Variants in BTBD9 observed in about 807,000 individuals in gnomAD.
BTBD9 encodes the protein BTB domain containing 9.
Under a neutral mutation model 64.3 loss-of-function variants are expected in BTBD9, and 49 were observed. That is an observed-to-expected ratio of 0.76 (90% confidence interval 0.61 to 0.97). BTBD9 has a LOEUF of 0.97. Among genes scored for constraint, BTBD9 ranks in the 50% least tolerant of loss-of-function variants. The pLI is 0.00. For synonymous variants in BTBD9, 260 were observed against 274.7 expected, an observed-to-expected ratio of 0.95 and a Z score of 0.53; for missense variants, 598 against 762.1, an observed-to-expected ratio of 0.78 and a Z score of 2.53.
intron 6 of BTBD9, among the ~76,000 whole-genome samples, chr6:38,529,529 ACT>A (rs1773683759): frequency 6.6e-6 from 1 of 152,172 alleles, no homozygotes; most frequent in Non-Finnish European, 1.5e-5. Context: ...CAGTGTCCAG[ACT>A]CTGATGAACA....
intron 6 of BTBD9, among the ~76,000 whole-genome samples, chr6:38,380,549 G>C (rs973439033): frequency 6.6e-6 from 1 of 152,240 alleles, no homozygotes; most frequent in African/African-American, 2.4e-5. Context: ...AAGAGGGTAG[G>C]CTGGGTGAGG....
At chr6:38,613,620 TATC>T (rs1777690708) in intron 1 of BTBD9, among the ~76,000 whole-genome samples, 1 of 151,720 alleles carries the variant, frequency 6.6e-6, no homozygotes, top group Non-Finnish European at 1.5e-5. Context: ...AGTGAGACTT[TATC>T]TTTTTTAAAA....
chr6:38,482,364 A>C (rs576723770), intron 6 of BTBD9: 1 of 150,892 alleles, frequency 6.6e-6, no homozygotes, highest in Admixed American at 6.6e-5. Context: ...TTAAAAGCTC[A>C]TCTTCTTTCC....
At chr6:38,182,216 G>A (rs1349100497) in intron 10 of BTBD9, among the ~76,000 whole-genome samples, 3 of 152,088 alleles carry the variant, frequency 2.0e-5, no homozygotes, top group Non-Finnish European at 2.9e-5. Flanking sequence ...CATAGGCCAG[G>A]ATATCCACAG....
At chr6:38,203,123 A>G (rs969540961) in intron 9 of BTBD9, among the ~76,000 whole-genome samples, 1 of 152,228 alleles carries the variant, frequency 6.6e-6, no homozygotes, top group African/African-American at 2.4e-5. Context: ...CCACAATGAG[A>G]TATCATCTTA....
intron 1 of BTBD9, among the ~76,000 whole-genome samples, chr6:38,618,477 G>A (rs1022656612): frequency 6.6e-6 from 1 of 152,072 alleles, no homozygotes; most frequent in Non-Finnish European, 1.5e-5. Flanking sequence ...CCATATCCTA[G>A]CCTCCCCACA....
At chr6:38,421,110 A>C (rs1767885784) in intron 6 of BTBD9, among the ~76,000 whole-genome samples, 1 of 151,674 alleles carries the variant, frequency 6.6e-6, no homozygotes, top group African/African-American at 2.4e-5. Flanking sequence ...TAATCCCAAC[A>C]CTTTGGGAGG....
intron 8 of BTBD9, among the ~76,000 whole-genome samples, chr6:38,285,635 C>T (rs917310969): frequency 2.0e-5 from 3 of 152,138 alleles, no homozygotes; most frequent in African/African-American, 7.2e-5. Context: ...GGCAAGGAGA[C>T]TGGTCTTCAA....
chr6:38,414,554 C>T (rs1232907905), intron 6 of BTBD9, among the ~76,000 whole-genome samples: 2 of 152,096 alleles, frequency 1.3e-5, no homozygotes, highest in Non-Finnish European at 2.9e-5. Flanking sequence ...TTTTCCTTCA[C>T]ATCAATCTCC....
intron 1 of BTBD9, among the ~76,000 whole-genome samples, chr6:38,600,362 G>A (rs1435362937): frequency 5.3e-5 from 8 of 152,208 alleles, no homozygotes; most frequent in Admixed American, 1.3e-4. Flanking sequence ...GGCCTACCCC[G>A]TGATCAAGGA....
At chr6:38,624,313 C>T (rs1778099452) in intron 1 of BTBD9, among the ~76,000 whole-genome samples, 1 of 152,214 alleles carries the variant, frequency 6.6e-6, no homozygotes, top group South Asian at 2.1e-4. Context: ...CTCAGGTCCC[C>T]TTCCACACTG....
intron 7 of BTBD9, among the ~76,000 whole-genome samples, chr6:38,331,867 A>G (rs564335944): frequency 6.6e-6 from 1 of 152,304 alleles, no homozygotes; most frequent in South Asian, 2.1e-4. Flanking sequence ...AAAAAAAAGC[A>G]AAAAAAGAAA....
intron 7 of BTBD9, among the ~76,000 whole-genome samples, chr6:38,329,822 G>A (rs987864375): frequency 2.0e-5 from 3 of 151,944 alleles, no homozygotes; most frequent in African/African-American, 7.2e-5. Context: ...GCGTGATGGC[G>A]GGCGCCTGTA....
chr6:38,460,958 A>C (rs959227345), intron 6 of BTBD9, among the ~76,000 whole-genome samples: 39 of 152,180 alleles, frequency 2.6e-4, no homozygotes, highest in Non-Finnish European at 4.4e-5. Flanking sequence ...TGGATAACTT[A>C]GTAATTAATG....
intron 7 of BTBD9, among the ~76,000 whole-genome samples, chr6:38,330,041 T>G (rs1763610027): frequency 6.8e-6 from 1 of 146,718 alleles, no homozygotes; most frequent in African/African-American, 2.5e-5. Flanking sequence ...ACATGTTTCC[T>G]TTTTTTCTTT....
chr6:38,519,275 T>C (rs1389108858), intron 6 of BTBD9, among the ~76,000 whole-genome samples: 2 of 152,226 alleles, frequency 1.3e-5, no homozygotes, highest in African/African-American at 4.8e-5. Flanking sequence ...TACACTGTTG[T>C]ATGGACTTGT....
chr6:38,583,703 TAA>T (rs935457958), intron 4 of BTBD9, among the ~76,000 whole-genome samples: 1 of 152,218 alleles, frequency 6.6e-6, no homozygotes, highest in Non-Finnish European at 1.5e-5. Context: ...ACCACAAGTC[TAA>T]GTCTTCTTTT....
intron 6 of BTBD9, among the ~76,000 whole-genome samples, chr6:38,555,591 T>C (rs1008327428): frequency 6.6e-6 from 1 of 152,264 alleles, no homozygotes; most frequent in East Asian, 1.9e-4. Flanking sequence ...TTAGTTTTTC[T>C]AGCATTTCCT....
chr6:38,334,810 C>A (rs943763688), intron 7 of BTBD9, among the ~76,000 whole-genome samples: 9 of 151,776 alleles, frequency 5.9e-5, no homozygotes, highest in Non-Finnish European at 7.4e-5. Context: ...TAAAGTAAAT[C>A]CTATAAAACA....
Sources: allele counts gnomAD v4.1 joint callset (sites outside exome capture counted in the v4.1 genomes callset), GRCh38; gene constraint gnomAD v4.1.1; transcripts MANE v1.5; gene names NCBI Gene and HGNC (gene_info 2026-07-23, HGNC 2026-07-21).